AJAP1: variants seen among roughly 807,000 people sequenced by gnomAD.
The protein encoded by AJAP1 is adherens junctions associated protein 1, also known as adherens junction-associated protein 1.
In AJAP1, 5 loss-of-function variants were observed where a neutral mutation model predicts 35.0. That is an observed-to-expected ratio of 0.14 (90% confidence interval 0.07 to 0.30). AJAP1 has a LOEUF of 0.30. AJAP1 is among the 10% of genes least tolerant of loss of function. The pLI is 1.00. For missense variants in AJAP1, 586 were observed against 571.0 expected (o/e 1.03, Z -0.27); for synonymous variants, 284 against 249.3 (o/e 1.14, Z -1.31).
At chr1:4,767,438 T>A (rs903943911) in intron 2 of AJAP1, among the ~76,000 whole-genome samples, 2 of 151,558 alleles carry the variant, frequency 1.3e-5, no homozygotes, top group African/African-American at 4.9e-5. Context: ...ATCACTATCA[T>A]CATCACCATA....
At chr1:4,776,015 G>A (rs541363743) in intron 5 of AJAP1, among the ~76,000 whole-genome samples, 27 of 152,272 alleles carry the variant, frequency 1.8e-4, no homozygotes, top group Admixed American at 1.6e-3. Context: ...TCTCTGTTAT[G>A]ATTTTTAAAA....
At chr1:4,708,778 T>C (rs1640157435) in intron 1 of AJAP1, among the ~76,000 whole-genome samples, 1 of 152,084 alleles carries the variant, frequency 6.6e-6, no homozygotes, top group Non-Finnish European at 1.5e-5. Flanking sequence ...AAATGAGCAG[T>C]GGCCCCTACA....
chr1:4,685,764 C>T (rs1639590815), intron 1 of AJAP1, among the ~76,000 whole-genome samples: 1 of 152,202 alleles, frequency 6.6e-6, no homozygotes, highest in Non-Finnish European at 1.5e-5. Context: ...AGCTGTTTCT[C>T]ACCACTTCTT....
chr1:4,657,232 C>T (rs1439703229), intron 1 of AJAP1, among the ~76,000 whole-genome samples: 5 of 152,220 alleles, frequency 3.3e-5, no homozygotes. Flanking sequence ...TCTCAAGCAT[C>T]CTCAAGCCGG....
At chr1:4,695,523 T>G (rs533304891) in intron 1 of AJAP1, among the ~76,000 whole-genome samples, 2 of 152,248 alleles carry the variant, frequency 1.3e-5, no homozygotes, top group Non-Finnish European at 2.9e-5. Context: ...TGGGAACAGG[T>G]GCAGATTCAG....
chr1:4,738,140 T>C (rs915713411), intron 2 of AJAP1, among the ~76,000 whole-genome samples: 1 of 152,180 alleles, frequency 6.6e-6, no homozygotes, highest in African/African-American at 2.4e-5. Context: ...AGAAGAGTAA[T>C]GGGACCCAAA....
chr1:4,755,504 T>G (rs749013736), intron 2 of AJAP1, among the ~76,000 whole-genome samples: 2 of 152,050 alleles, frequency 1.3e-5, no homozygotes, highest in African/African-American at 2.4e-5. Flanking sequence ...TTTGCAAGCT[T>G]CCGGCCTTGC....
intron 1 of AJAP1, among the ~76,000 whole-genome samples, chr1:4,668,322 CTGTG>C (rs56871532): frequency 6.6e-6 from 1 of 150,948 alleles, no homozygotes. Context: ...GAGAGCAGTG[CTGTG>C]TGTGTGTGTG....
chr1:4,658,405 A>C (rs1391995469), intron 1 of AJAP1, among the ~76,000 whole-genome samples: 1 of 152,172 alleles, frequency 6.6e-6, no homozygotes, highest in Non-Finnish European at 1.5e-5. Context: ...GGCTGTCACC[A>C]TCCTCGCTGT....
chr1:4,671,476 A>T (rs942231546), intron 1 of AJAP1, among the ~76,000 whole-genome samples: 4 of 151,794 alleles, frequency 2.6e-5, no homozygotes, highest in Non-Finnish European at 2.9e-5. Context: ...GCCCACTTAG[A>T]GCCCAGGGCC....
At chr1:4,683,427 C>T (rs1051961007) in intron 1 of AJAP1, among the ~76,000 whole-genome samples, 2 of 152,202 alleles carry the variant, frequency 1.3e-5, no homozygotes, top group African/African-American at 4.8e-5. Flanking sequence ...GCGTTTCTTA[C>T]CAGTTCCAGG....
intron 1 of AJAP1, among the ~76,000 whole-genome samples, chr1:4,680,206 C>T (rs147194141): frequency 6.4e-4 from 98 of 152,284 alleles, no homozygotes; most frequent in South Asian, 3.3e-3. Flanking sequence ...TTTACTCAGT[C>T]CACTGATTCA....
rs1640887300 is a variant in AJAP1, at chr1:4,735,089, G to T, written c.829+22390G>T. ...GACCCTTGAGGGTGATAGAGGGCCG[G>T]GTAGAGGGGCTTCTCTTCTACACCT... On this transcript the variant is annotated intron_variant, in intron 2 of 5. Coordinates refer to ENST00000378191, the MANE Select transcript of AJAP1 (RefSeq NM_018836.4). Among the ~76,000 whole-genome samples the T allele has an allele frequency of 1.3e-5, 2 of 152,210 alleles. 1 individual carries two copies. Among genetic ancestry groups the T allele is most frequent in the South Asian group, 4.1e-4 (2 of 4,826 alleles).
At chr1:4,690,695 G>A (rs1260666080) in intron 1 of AJAP1, among the ~76,000 whole-genome samples, 1 of 152,114 alleles carries the variant, frequency 6.6e-6, no homozygotes, top group Non-Finnish European at 1.5e-5. Context: ...TTTTACAGAT[G>A]GGGACACAAA....
intron 1 of AJAP1, among the ~76,000 whole-genome samples, chr1:4,690,006 C>G (rs935462259): frequency 2.0e-5 from 3 of 152,148 alleles, no homozygotes; most frequent in Non-Finnish European, 2.9e-5. Flanking sequence ...TGAGACCCCC[C>G]CAGCCCCGCT....
chr1:4,692,435 T>C lies in AJAP1; in HGVS notation c.30-19465T>C, dbSNP rs943291170. Among the ~76,000 whole-genome samples the C allele has an allele frequency of 7.2e-5, 11 of 152,172 alleles. No individual in the cohort carries two copies. The highest frequency in any genetic ancestry group is 1.6e-4 in the Non-Finnish European group (11 of 68,010). ...GATATAGCCTCCGTGGGACTCATCA[T>C]TACGAGGACTTGTAATTGCTTTGCT... is the stretch of plus-strand genomic sequence containing the variant. On this transcript the variant is annotated intron_variant, in intron 1 of 5. Transcript: ENST00000378191. The surrounding 1 kb of genome is among the most constrained non-coding windows in gnomAD (Gnocchi z 4.4).
chr1:4,736,047 A>G (rs1302930733), intron 2 of AJAP1, among the ~76,000 whole-genome samples: 1 of 152,236 alleles, frequency 6.6e-6, no homozygotes, highest in African/African-American at 2.4e-5. Flanking sequence ...TACTTTCCTC[A>G]TTTGGAAAAC....
chr1:4,731,385 T>A (rs1640792609), intron 2 of AJAP1, among the ~76,000 whole-genome samples: 1 of 152,170 alleles, frequency 6.6e-6, no homozygotes, highest in African/African-American at 2.4e-5. Context: ...CTGGCCTGAT[T>A]GTGTTTTTTA....
intron 2 of AJAP1, among the ~76,000 whole-genome samples, chr1:4,739,305 G>T (rs1166309166): frequency 6.6e-6 from 1 of 152,182 alleles, no homozygotes; most frequent in Non-Finnish European, 1.5e-5. Flanking sequence ...GTATCGGCAG[G>T]CTTTGGGGTC....
Sources: allele counts gnomAD v4.1 joint callset (sites outside exome capture counted in the v4.1 genomes callset), GRCh38; gene constraint gnomAD v4.1.1; non-coding constraint Gnocchi (gnomAD v3.1); transcripts MANE v1.5; gene names NCBI Gene and HGNC (gene_info 2026-07-23, HGNC 2026-07-21).